Variants in GSAP observed in about 807,000 individuals in gnomAD.
The protein encoded by GSAP is gamma-secretase-activating protein.
Under a neutral mutation model 131.7 loss-of-function variants are expected in GSAP, and 118 were observed. The observed-to-expected ratio is 0.90, with a 90% CI of 0.77 to 1.04. The LOEUF (loss-of-function observed/expected upper bound fraction) is 1.04. Ranked by LOEUF, GSAP falls within the 50% of genes least tolerant of loss-of-function variation. GSAP has a pLI of 0.00. For synonymous variants in GSAP, 381 were observed against 363.4 expected (o/e 1.05, Z -0.55); for missense variants, 1,019 against 1,013.2 (o/e 1.01, Z -0.08).
chr7:77,397,927 G>A (rs904498219), intron 3 of GSAP, among the ~76,000 whole-genome samples: 1 of 152,176 alleles, frequency 6.6e-6, no homozygotes, highest in Non-Finnish European at 1.5e-5. Flanking sequence ...ACTGTCACAA[G>A]TGCATCTCCC....
At chr7:77,314,599 GGA>G (rs1420009603) in intron 26 of GSAP, 110 bp from the exon 27 acceptor site, 16 of 1,156,326 alleles carry the variant, frequency 1.4e-5, no homozygotes, top group Non-Finnish European at 2.0e-5. Context: ...CTTGGTGCCT[GGA>G]ACCAACTGAA....
chr7:77,340,495 C>G (rs1321327094), intron 19 of GSAP, among the ~76,000 whole-genome samples: 5 of 152,198 alleles, frequency 3.3e-5, no homozygotes, highest in African/African-American at 1.2e-4. Flanking sequence ...CAAGGAACAT[C>G]TCACCAATTT....
At chr7:77,402,572 C>T (rs1583892624) in intron 3 of GSAP, among the ~76,000 whole-genome samples, 1 of 47,456 alleles carries the variant, frequency 2.1e-5, no homozygotes, top group African/African-American at 5.7e-5. Flanking sequence ...TCCAGCCTGG[C>T]AATAGAGTGA....
chr7:77,371,073 T>TA (rs1172828914), intron 12 of GSAP, among the ~76,000 whole-genome samples: 1 of 152,116 alleles, frequency 6.6e-6, no homozygotes, highest in African/African-American at 2.4e-5. Flanking sequence ...AGCTATAGTC[T>TA]AAAAACTTCC....
Position 77,351,757 on chromosome 7 carries a change from T to C in GSAP, c.1491+1187A>G, listed in dbSNP as rs994293840. On this transcript the variant is annotated intron_variant, in intron 18 of 30. Coordinates refer to ENST00000257626, the MANE Select transcript of GSAP (RefSeq NM_017439.4). ...TCTCACACCACATCCAATTAACATGTGGCTCAGTCTTTTAACACAACCCTG... is the reference window on the plus strand; with the variant it reads ...TCTCACACCACATCCAATTAACATGCGGCTCAGTCTTTTAACACAACCCTG... The C allele has an allele frequency of 2.2e-5, 22 of 983,674 alleles. No individual in the cohort carries two copies. In the African/African-American group the frequency reaches 3.8e-4, roughly 17 times the overall value. The allele number at this position is 983,674 out of a possible 1,614,324, so 60.9% of individuals were successfully genotyped here.
intron 17 of GSAP, 49 bp downstream of exon 17, chr7:77,353,523 G>T: frequency 1.6e-6 from 2 of 1,251,372 alleles, no homozygotes; most frequent in Non-Finnish European, 2.3e-6. Context: ...TTTCCCTCAA[G>T]CAAAAAGGTC....
At chr7:77,329,483 TC>T in intron 20 of GSAP, 92 bp from the exon 21 acceptor site, 1 of 569,330 alleles carries the variant, frequency 1.8e-6, no homozygotes, top group Non-Finnish European at 3.1e-6. Context: ...GTTAAGAGCA[TC>T]AGAGAGAAGA....
intron 1 of GSAP, among the ~76,000 whole-genome samples, chr7:77,407,880 G>A (rs1802573969): frequency 6.6e-6 from 1 of 152,142 alleles, no homozygotes. Flanking sequence ...AGTGAAGAAT[G>A]AATAAATTGT....
chr7:77,369,860 GC>G (rs1278424456), intron 12 of GSAP, among the ~76,000 whole-genome samples: 1 of 151,814 alleles, frequency 6.6e-6, no homozygotes, highest in African/African-American at 2.4e-5. Context: ...TGCTTCTCTG[GC>G]TTGTTTCATC....
At chr7:77,326,340 A>G in intron 22 of GSAP, 67 bp from the exon 23 acceptor site, 1 of 1,091,342 alleles carries the variant, frequency 9.2e-7, no homozygotes. Flanking sequence ...AAGGAAGAAG[A>G]ATCAGCCTGG....
chr7:77,340,754 G>A (rs766628476), intron 19 of GSAP, among the ~76,000 whole-genome samples: 44 of 152,154 alleles, frequency 2.9e-4, no homozygotes, highest in Non-Finnish European at 5.6e-4. Flanking sequence ...TCACCGTGGG[G>A]ATGCCTGCCT....
chr7:77,362,635 C>G lies in GSAP; in HGVS notation c.897G>C (p.Pro299=). Residue 299 remains proline (P), a synonymous_variant, in exon 13 of 31, where the codon CCG becomes CCC. Transcript: ENST00000257626. ...TGATTTGTCCCCAAGAGGCACACTT[C>G]GGGCTGTAACATACACACAAACTTC... ...HTGSLCVCYS[P]KCASWGQITY... The G allele has an allele frequency of 6.3e-7, 1 of 1,581,260 alleles. No individual in the cohort carries two copies. Among genetic ancestry groups the G allele is most frequent in the Non-Finnish European group, 8.7e-7 (1 of 1,150,790 alleles).
Position 77,406,097 on chromosome 7 carries a change from C to A in GSAP, c.118G>T (p.Glu40Ter). ...ACATGTAAGCTCTCATAATCGTTTT[C>A]TAAAACATCTGAAATGATAATAGGA... ...GAGSGGADVL[E>*]NDYESLHVLN... The change falls in exon 2 of 31, where the codon GAA (glutamate) becomes TAA (stop). Residue 40 changes from glutamate to a stop codon, truncating the protein, a stop_gained. Coordinates refer to ENST00000257626, the MANE Select transcript of GSAP (RefSeq NM_017439.4). LOFTEE classifies it high-confidence loss of function. 1 of 1,247,182 alleles carries A rather than the reference C, an allele frequency of 8.0e-7. No homozygotes were observed. 77.3% of individuals were successfully genotyped at this position (1,247,182 alleles called of 1,614,324 possible).
chr7:77,374,910 T>C lies in GSAP; in HGVS notation c.785+148A>G, dbSNP rs1294569626. On this transcript the variant is annotated intron_variant, in intron 11 of 30. Coordinates refer to ENST00000257626, the MANE Select transcript of GSAP (RefSeq NM_017439.4). ...GGTTCATGTTTGATAAAGTTGTTTA[T>C]ATTTGCTATGGAGAATGGGAATACA... 1.2e-5 allele frequency: 6 copies of C among 491,024 alleles called. No homozygotes were observed. In the East Asian group the frequency reaches 2.1e-4, roughly 17 times the overall value. The allele number at this position is 491,024 out of a possible 1,614,324, so 30.4% of individuals were successfully genotyped here. A position where few individuals can be genotyped will look rare whatever the true frequency, so the allele number is the denominator to read the frequency against.
chr7:77,375,843 TAA>T (rs10706854), intron 10 of GSAP, among the ~76,000 whole-genome samples: 138 of 140,720 alleles, frequency 9.8e-4, no homozygotes, highest in South Asian at 1.3e-3. Context: ...GACTCCGTCT[TAA>T]AAAAAAAAAA....
intron 14 of GSAP, among the ~76,000 whole-genome samples, chr7:77,357,965 A>T (rs1794000649): frequency 6.6e-6 from 1 of 152,366 alleles, no homozygotes; most frequent in African/African-American, 2.4e-5. Flanking sequence ...TCCACAATGT[A>T]TATAGGTATC....
At chr7:77,398,890 T>G (rs1010129707) in intron 3 of GSAP, among the ~76,000 whole-genome samples, 1 of 152,258 alleles carries the variant, frequency 6.6e-6, no homozygotes, top group African/African-American at 2.4e-5. Flanking sequence ...ACAGTTACAT[T>G]GCAAGTTTTT....
At chr7:77,358,315 T>C (rs1794055234) in intron 14 of GSAP, among the ~76,000 whole-genome samples, 1 of 152,254 alleles carries the variant, frequency 6.6e-6, no homozygotes, top group Non-Finnish European at 1.5e-5. Flanking sequence ...CACTCCAGCC[T>C]AGGCAACAGA....
chr7:77,387,452 C>T lies in GSAP; in HGVS notation c.368-4G>A. On this transcript the variant is annotated splice_polypyrimidine_tract_variant and splice_region_variant and intron_variant, in intron 5 of 30. Coordinates refer to ENST00000257626, the MANE Select transcript of GSAP (RefSeq NM_017439.4). ...AACAAAGTCAAGCACTTTGATCCTA[C>T]AGAGAAAAGAAGGCTTTTAGTAACG... 1 of 1,535,346 alleles carries T rather than the reference C, an allele frequency of 6.5e-7. No homozygotes were observed. Among genetic ancestry groups the T allele is most frequent in the Non-Finnish European group, 9.0e-7 (1 of 1,108,850 alleles).
Sources: allele counts gnomAD v4.1 joint callset (sites outside exome capture counted in the v4.1 genomes callset), GRCh38; gene constraint gnomAD v4.1.1; transcripts MANE v1.5; gene names NCBI Gene and HGNC (gene_info 2026-07-23, HGNC 2026-07-21).